STAT1: variants seen among roughly 807,000 people sequenced by gnomAD.
The protein encoded by STAT1 is signal transducer and activator of transcription 1.
STAT1 carries 24 observed loss-of-function variants against 111.7 expected under a neutral mutation model. That is an observed-to-expected ratio of 0.21 (90% confidence interval 0.16 to 0.30). STAT1 has a LOEUF of 0.30. Among genes scored for constraint, STAT1 ranks in the 10% least tolerant of loss-of-function variants. The pLI, the probability that STAT1 is intolerant of heterozygous loss-of-function variation, is 1.00. For missense variants in STAT1, 351 were observed against 911.9 expected (o/e 0.38, Z 7.92); for synonymous variants, 332 against 326.5 (o/e 1.02, Z -0.18).
chr2:190,969,677 G>T lies in STAT1; in HGVS notation c.*1026C>A, dbSNP rs907480414. On this transcript the variant is annotated 3_prime_UTR_variant, in exon 25 of 25. Transcript: ENST00000361099. Reference sequence around the variant, plus strand: ...CTCAATGCAGTTACATAGGAAATGAGTTTTGAAATGATCTGATTCTCATAT... The same window carrying T: ...CTCAATGCAGTTACATAGGAAATGATTTTTGAAATGATCTGATTCTCATAT... The T allele has an allele frequency of 6.6e-6, 1 of 152,206 alleles. No homozygotes were observed. The highest frequency in any genetic ancestry group is 6.5e-5 in the Admixed American group (1 of 15,280). The allele number at this position is 152,206 out of a possible 1,614,324, so 9.4% of individuals were successfully genotyped here.
rs1005567154 is a variant in STAT1 at position 191,007,315 on chromosome 2, A to G, written c.372+248T>C. ...CATGAATTCAGCATGTTATCTTCTCAGCACTTTATGCTACCCAGAAGTATC... is the reference window on the plus strand; with the variant it reads ...CATGAATTCAGCATGTTATCTTCTCGGCACTTTATGCTACCCAGAAGTATC... On this transcript the variant is annotated intron_variant, in intron 5 of 24. Coordinates refer to ENST00000361099, the MANE Select transcript of STAT1 (RefSeq NM_007315.4). The surrounding 1 kb of genome is among the most constrained non-coding windows in gnomAD (Gnocchi z 4.2). Among the ~76,000 whole-genome samples, 3 of 152,166 alleles carry G rather than the reference A, an allele frequency of 2.0e-5. No homozygotes were observed. The South Asian group carries it at 6.2e-4, about 31-fold the overall frequency.
rs746801561 is a variant in STAT1, at chr2:190,990,584, T to C, written c.1037+644A>G. On this transcript the variant is annotated intron_variant, in intron 11 of 24. Transcript: ENST00000361099. This position sits in a 1 kb window ranked among gnomAD's most constrained non-coding sequence, Gnocchi z 5.1. ...CTACTCCGAGTTTTTAAAAAAGAAA[T>C]ATGTCATATTTGTGTGTGTGTGTGT... Among the ~76,000 whole-genome samples the C allele has an allele frequency of 2.6e-5, 4 of 152,204 alleles. No homozygotes were observed. The highest frequency in any genetic ancestry group is 4.4e-5 in the Non-Finnish European group (3 of 68,034).
chr2:191,003,345 T>C lies in STAT1; in HGVS notation c.373-2182A>G, dbSNP rs1694425915. Among the ~76,000 whole-genome samples the C allele has an allele frequency of 2.0e-5, 3 of 152,228 alleles. No individual in the cohort carries two copies. The highest frequency in any genetic ancestry group is 4.4e-5 in the Non-Finnish European group (3 of 68,036). On this transcript the variant is annotated intron_variant, in intron 5 of 24. Coordinates refer to ENST00000361099, the MANE Select transcript of STAT1 (RefSeq NM_007315.4). This position sits in a 1 kb window ranked among gnomAD's most constrained non-coding sequence, Gnocchi z 4.0. The stretch of plus-strand genomic sequence containing the variant: ...GTCACTTTGAGGAGTTCCATACAGC[T>C]TTCTGCCTGTGCAGGGAAATCTTTG...
chr2:190,996,784 A>T lies in STAT1; in HGVS notation c.785+1072T>A, dbSNP rs1286894970. Among the ~76,000 whole-genome samples the T allele has an allele frequency of 6.6e-6, 1 of 152,158 alleles. No homozygotes were observed. Among genetic ancestry groups the T allele is most frequent in the Non-Finnish European group, 1.5e-5 (1 of 68,022 alleles). On this transcript the variant is annotated intron_variant, in intron 9 of 24. Transcript: ENST00000361099. The surrounding 1 kb of genome is among the most constrained non-coding windows in gnomAD (Gnocchi z 4.5). ...GATCTCTGGTCCTTGGACCCTTAGC[A>T]ATTGTCCCAGGCCACCTTCCCTCAT...
At position 190,979,712 on chromosome 2, in the gene STAT1, T is replaced by C; in HGVS notation, c.1727+60A>G. The stretch of plus-strand genomic sequence containing the variant: ...CAAATACTGAAGCTGGACTCAGGCC[T>C]TGTCTCAACCTCGCAGCACTAAAAA... On this transcript the variant is annotated intron_variant, in intron 20 of 24. Transcript: ENST00000361099. This position sits in a 1 kb window ranked among gnomAD's most constrained non-coding sequence, Gnocchi z 5.8. 1.5e-6 allele frequency: 2 copies of C among 1,368,040 alleles called. No individual in the cohort carries two copies. The highest frequency in any genetic ancestry group is 1.2e-5 in the South Asian group (1 of 85,792). The allele number at this position is 1,368,040 out of a possible 1,614,324, so 84.7% of individuals were successfully genotyped here. A position where few individuals can be genotyped will look rare whatever the true frequency, so the allele number is the denominator to read the frequency against.
In STAT1 at chr2:190,974,831, A is replaced by C. The variant is rs1691778762; in HGVS notation, c.2237T>G (p.Met746Arg). ...ACACAGGCCAGCCGTGGTACTCACC[A>C]TACTGTCGAATTCTACAGAGCCCAC... ...RIVGSVEFDS[M>R]MNTV The change falls in exon 24 of 25, where the codon ATG (methionine) becomes AGG (arginine). Residue 746 changes from methionine to arginine, a missense_variant and splice_region_variant. Met to Arg is a moderately conservative substitution (Grantham distance 91, BLOSUM62 -1). This residue lies in a region of STAT1 where 181 missense variants were observed against 426.1 expected (regional missense o/e 0.42). Coordinates refer to ENST00000361099, the MANE Select transcript of STAT1 (RefSeq NM_007315.4). The surrounding 1 kb of genome is among the most constrained non-coding windows in gnomAD (Gnocchi z 4.8). 6.2e-7 allele frequency: 1 copy of C among 1,613,536 alleles called. No homozygotes were observed. The highest frequency in any genetic ancestry group is 1.3e-5 in the African/African-American group (1 of 74,916).
In STAT1 at chr2:190,978,554, A is replaced by C. The variant is rs1484968006; in HGVS notation, c.1873+302T>G. 2 of 423,814 alleles carry C rather than the reference A, an allele frequency of 4.7e-6. No individual in the cohort carries two copies. The highest frequency in any genetic ancestry group is 4.0e-5 in the African/African-American group (2 of 49,394). 26.3% of individuals were successfully genotyped at this position (423,814 alleles called of 1,614,324 possible). ...CCTGTGGGAAATGTGATTCCTTCCA[A>C]GAACGGGTTGCAGATTACATTGACT... On this transcript the variant is annotated intron_variant, in intron 21 of 24. Transcript: ENST00000361099. The surrounding 1 kb of genome is among the most constrained non-coding windows in gnomAD (Gnocchi z 6.1).
In STAT1 at chr2:190,971,397, G is replaced by A. The variant is rs1367258381; in HGVS notation, c.2239-680C>T. On this transcript the variant is annotated intron_variant, in intron 24 of 24. Transcript: ENST00000361099. The surrounding 1 kb of genome is among the most constrained non-coding windows in gnomAD (Gnocchi z 4.1). Reference sequence around the variant, plus strand: ...ATTGCTGATTGTCCCATCTGGCTGTGAGGGTGCATGTGCTTACTGGTATCT... The same window carrying A: ...ATTGCTGATTGTCCCATCTGGCTGTAAGGGTGCATGTGCTTACTGGTATCT... Among the ~76,000 whole-genome samples, 5 of 152,302 alleles carry A rather than the reference G, an allele frequency of 3.3e-5. No individual in the cohort carries two copies. The South Asian group carries it at 1.0e-3, about 32-fold the overall frequency.
At chr2:190,988,732 C>G (rs1362830833) in intron 12 of STAT1, among the ~76,000 whole-genome samples, 1 of 152,002 alleles carries the variant, frequency 6.6e-6, no homozygotes, top group Non-Finnish European at 1.5e-5. Flanking sequence ...AACCGATATA[C>G]CAAAGATGAT....
chr2:190,998,955 C>T lies in STAT1; in HGVS notation c.542-647G>A, dbSNP rs1029440661. Among the ~76,000 whole-genome samples, 1 of 152,048 alleles carries T rather than the reference C, an allele frequency of 6.6e-6. No individual in the cohort carries two copies. Among genetic ancestry groups the T allele is most frequent in the African/African-American group, 2.4e-5 (1 of 41,402 alleles). On this transcript the variant is annotated intron_variant, in intron 7 of 24. Coordinates refer to ENST00000361099, the MANE Select transcript of STAT1 (RefSeq NM_007315.4). The surrounding 1 kb of genome is among the most constrained non-coding windows in gnomAD (Gnocchi z 4.1). ...AAGTTGCTGTCTCTTATACTTTCTA[C>T]CCAAATCATACTGATAATCTCTGCC...
rs1694182853 is a variant in STAT1, at chr2:191,000,409, G to T, written c.462+665C>A. 6.6e-6 allele frequency among the ~76,000 whole-genome samples: 1 copy of T among 152,080 alleles called. No individual in the cohort carries two copies. The highest frequency in any genetic ancestry group is 1.5e-5 in the Non-Finnish European group (1 of 68,012). On this transcript the variant is annotated intron_variant, in intron 6 of 24. Coordinates refer to ENST00000361099, the MANE Select transcript of STAT1 (RefSeq NM_007315.4). This position sits in a 1 kb window ranked among gnomAD's most constrained non-coding sequence, Gnocchi z 4.8. ...TGCTGTCTGAAGCATGTAAGTCAAGGCCATACTGCTATTACCCAGAGATCC... is the reference window on the plus strand; with the variant it reads ...TGCTGTCTGAAGCATGTAAGTCAAGTCCATACTGCTATTACCCAGAGATCC...
At position 190,996,915 on chromosome 2, in the gene STAT1, G is replaced by A. The variant is rs374516566; in HGVS notation, c.785+941C>T. Among the ~76,000 whole-genome samples, 18 of 152,076 alleles carry A rather than the reference G, an allele frequency of 1.2e-4. No individual in the cohort carries two copies. The highest frequency in any genetic ancestry group is 4.1e-4 in the African/African-American group (17 of 41,386). ...CTTTCTGTCTCTATCCTATCCTCCA[G>A]GCTGTGGCCAGAGTGCCCTTTCTAA... is the stretch of plus-strand genomic sequence containing the variant. On this transcript the variant is annotated intron_variant, in intron 9 of 24. Transcript: ENST00000361099. This position sits in a 1 kb window ranked among gnomAD's most constrained non-coding sequence, Gnocchi z 4.5.
rs924899498 is a variant in STAT1 at position 190,971,239 on chromosome 2, T to C, written c.2239-522A>G. ...CAGCTGCCTTGACCAGGACAACTTATAGTAAGTAAACTGTTCATCCAAAGG... is the reference window on the plus strand; with the variant it reads ...CAGCTGCCTTGACCAGGACAACTTACAGTAAGTAAACTGTTCATCCAAAGG... On this transcript the variant is annotated intron_variant, in intron 24 of 24. Transcript: ENST00000361099. The surrounding 1 kb of genome is among the most constrained non-coding windows in gnomAD (Gnocchi z 4.1). 6.6e-6 allele frequency among the ~76,000 whole-genome samples: 1 copy of C among 152,190 alleles called. No individual in the cohort carries two copies. The highest frequency in any genetic ancestry group is 2.1e-4 in the South Asian group (1 of 4,838).
intron 15 of STAT1, among the ~76,000 whole-genome samples, chr2:190,985,151 C>T (rs1420274913): frequency 2.0e-5 from 3 of 152,264 alleles, no homozygotes; most frequent in African/African-American, 7.2e-5. Flanking sequence ...ACAAACCCAA[C>T]TCCTTAAGGA....
At chr2:190,994,199 TG>T (rs945535555) in intron 10 of STAT1, among the ~76,000 whole-genome samples, 1 of 152,210 alleles carries the variant, frequency 6.6e-6, no homozygotes, top group Non-Finnish European at 1.5e-5. Context: ...GTATGCGGCA[TG>T]GCCCCTATAG....
intron 5 of STAT1, among the ~76,000 whole-genome samples, chr2:191,005,633 T>C (rs1407480709): frequency 1.3e-5 from 2 of 152,228 alleles, no homozygotes; most frequent in Non-Finnish European, 2.9e-5. Context: ...GTGCACTCTA[T>C]AATGTTTGCA....
intron 4 of STAT1, 42 bp downstream of exon 4, chr2:191,008,921 A>T: frequency 6.2e-7 from 1 of 1,607,420 alleles, no homozygotes; most frequent in Non-Finnish European, 8.5e-7. Flanking sequence ...CCTTCCATAA[A>T]CATGAGAACA....
At chr2:191,011,239 A>AT (rs1261936541) in intron 2 of STAT1, among the ~76,000 whole-genome samples, 1 of 152,050 alleles carries the variant, frequency 6.6e-6, no homozygotes, top group Non-Finnish European at 1.5e-5. Context: ...AAGCAATTTG[A>AT]TTTTTCAGTT....
In STAT1 at chr2:190,999,820, C is replaced by A; in HGVS notation, c.463-116G>T. The A allele has an allele frequency of 1.4e-6, 1 of 734,602 alleles. No individual in the cohort carries two copies. The highest frequency in any genetic ancestry group is 1.5e-5 in the South Asian group (1 of 66,752). The allele number at this position is 734,602 out of a possible 1,614,324, so 45.5% of individuals were successfully genotyped here. A position where few individuals can be genotyped will look rare whatever the true frequency, so the allele number is the denominator to read the frequency against. On this transcript the variant is annotated intron_variant, in intron 6 of 24. Coordinates refer to ENST00000361099, the MANE Select transcript of STAT1 (RefSeq NM_007315.4). This position sits in a 1 kb window ranked among gnomAD's most constrained non-coding sequence, Gnocchi z 4.1. ...AACACGAAAACAATTCCATCTCCCC[C>A]AAAAAGAGATCTGACTTGGACAGTT...
Sources: gnomAD v4.1 joint callset for allele counts (sites outside exome capture counted in the v4.1 genomes callset) on GRCh38, gnomAD v4.1.1 for gene constraint, gnomAD v4.1.1 regional missense constraint, Gnocchi (gnomAD v3.1) non-coding constraint, MANE v1.5 for transcripts, NCBI Gene and HGNC (gene_info 2026-07-23, HGNC 2026-07-21) for gene names.